Variants in TRIP12 observed in about 807,000 individuals in gnomAD.
TRIP12 encodes the protein E3 ubiquitin-protein ligase TRIP12.
TRIP12 carries 25 observed loss-of-function variants against 244.2 expected under a neutral mutation model. That is an observed-to-expected ratio of 0.10 (90% CI 0.07 to 0.14). The LOEUF is 0.14. Among genes scored for constraint, TRIP12 ranks in the 10% least tolerant of loss-of-function variants. The pLI, the probability that TRIP12 is intolerant of heterozygous loss-of-function variation, is 1.00. For synonymous variants in TRIP12, 905 were observed against 873.1 expected (o/e 1.04, Z -0.64); for missense variants, 1,677 against 2,486.4 (o/e 0.67, Z 6.92).
At chr2:229,878,530 G>A (rs978047860) in intron 2 of TRIP12, among the ~76,000 whole-genome samples, 3 of 151,228 alleles carry the variant, frequency 2.0e-5, no homozygotes, top group Non-Finnish European at 4.4e-5. Flanking sequence ...CCACTAAATA[G>A]TCTGACATCA....
At chr2:229,887,344 T>C (rs2066246779) in intron 1 of TRIP12, among the ~76,000 whole-genome samples, 1 of 152,234 alleles carries the variant, frequency 6.6e-6, no homozygotes, top group South Asian at 2.1e-4. Context: ...CTTGAAATGC[T>C]AGAGCAGTGA....
chr2:229,793,804 A>G (rs573235457), intron 26 of TRIP12, among the ~76,000 whole-genome samples: 3 of 152,190 alleles, frequency 2.0e-5, no homozygotes, highest in Admixed American at 1.3e-4. Flanking sequence ...ATGGCTTTGT[A>G]TATAGGCCAA....
intron 1 of TRIP12, among the ~76,000 whole-genome samples, chr2:229,885,427 A>G (rs1307635148): frequency 2.6e-5 from 4 of 152,206 alleles, no homozygotes; most frequent in Non-Finnish European, 4.4e-5. Context: ...AAAGAAACTG[A>G]AATGTTACAA....
At position 229,860,481 on chromosome 2, in the gene TRIP12, C is replaced by T; in HGVS notation, c.149G>A (p.Arg50Lys). ...TTTGGGTGCCTTAGAATTAGATTTT[C>T]TACTCTCAGGAGGGCTATATCCCTT... The part of the protein sequence containing the change: ...KHKGYSPPES[R>K]KSNSKAPKVQ... The change falls in exon 3 of 42, where the codon AGA becomes AAA. Residue 50 changes from arginine to lysine, a missense_variant. By Grantham distance (26) the Arg-to-Lys change is conservative. Around this residue, in one of 11 missense-constraint regions of TRIP12, gnomAD observed 387 missense variants for 392.6 expected, o/e 0.99. Coordinates refer to ENST00000675903, the MANE Select transcript of TRIP12 (RefSeq NM_001348323.3). 6.2e-7 allele frequency: 1 copy of T among 1,612,078 alleles called. No individual in the cohort carries two copies. Among genetic ancestry groups the T allele is most frequent in the Non-Finnish European group, 8.5e-7 (1 of 1,179,414 alleles).
At position 229,815,305 on chromosome 2, in the gene TRIP12, T is replaced by C. The variant is rs2048220187; in HGVS notation, c.1603A>G (p.Thr535Ala). The change falls in exon 10 of 42, where the codon ACG becomes GCG. Residue 535 changes from threonine (T) to alanine (A), a missense_variant. Thr to Ala is a moderately conservative substitution (Grantham distance 58). Transcript: ENST00000675903. ...AAATTGTGCTCCATCTGAAGTAACG[T>C]AATCTGTTAAAAAGATAACAAAATA... ...PVKSVVPALI[T>A]LLQMEHNFDI... 7.0e-7 allele frequency: 1 copy of C among 1,424,036 alleles called. No homozygotes were observed. Among genetic ancestry groups the C allele is most frequent in the African/African-American group, 1.4e-5 (1 of 69,696 alleles). The allele number at this position is 1,424,036 out of a possible 1,614,324, so 88.2% of individuals were successfully genotyped here.
chr2:229,922,321 C>G (rs1320103221), upstream of TRIP12: 4 of 602,762 alleles, frequency 6.6e-6, no homozygotes, highest in Non-Finnish European at 1.2e-5. Flanking sequence ...TCGGGTCACC[C>G]GGGACCTGGA....
intron 37 of TRIP12, 151 bp downstream of exon 37, chr2:229,777,164 A>G: frequency 1.2e-6 from 1 of 814,284 alleles, no homozygotes; most frequent in East Asian, 2.8e-5. Context: ...CCACTGTGAA[A>G]TCATATGTCT....
At chr2:229,847,949 A>G (rs1419542612) in intron 4 of TRIP12, among the ~76,000 whole-genome samples, 1 of 152,196 alleles carries the variant, frequency 6.6e-6, no homozygotes, top group Non-Finnish European at 1.5e-5. Context: ...GAGTACAGAC[A>G]TACTGTCTGA....
chr2:229,831,871 T>G lies in TRIP12; in HGVS notation c.1271-1032A>C, dbSNP rs1024912072. ...GTGTCTGCTGAGGTCAAAGGTTTTT[T>G]TTGTTTGTTTTTTGGGTTTTTTTTT... On this transcript the variant is annotated intron_variant, in intron 6 of 41. Transcript: ENST00000675903. Among the ~76,000 whole-genome samples the G allele has an allele frequency of 6.0e-4, 78 of 129,652 alleles. 1 individual carries two copies. In the South Asian group the frequency reaches 0.018, roughly 29 times the overall value. 85.1% of individuals were successfully genotyped at this position (129,652 alleles called of 152,430 possible).
At position 229,844,163 on chromosome 2, in the gene TRIP12, T is replaced by C. The variant is rs73101661; in HGVS notation, c.1028-3236A>G. 4.1e-3 allele frequency among the ~76,000 whole-genome samples: 627 copies of C among 152,344 alleles called. 6 individuals carry two copies. Among genetic ancestry groups the C allele is most frequent in the African/African-American group, 0.015 (609 of 41,584 alleles). ...TATTTTACTTACTCTTATGTAAGAA[T>C]AGTTAAGATGCTTTGGGGTACTTCC... On this transcript the variant is annotated intron_variant, in intron 4 of 41. Transcript: ENST00000675903.
intron 8 of TRIP12, among the ~76,000 whole-genome samples, chr2:229,824,080 T>C (rs1313680732): frequency 2.0e-5 from 3 of 152,110 alleles, no homozygotes; most frequent in Non-Finnish European, 4.4e-5. Context: ...TAAAACAAAT[T>C]AAATACAACA....
chr2:229,821,852 T>C (rs1221898443), intron 8 of TRIP12, among the ~76,000 whole-genome samples: 3 of 152,186 alleles, frequency 2.0e-5, no homozygotes, highest in South Asian at 2.1e-4. Flanking sequence ...TGAAAACTGA[T>C]AGAGGGGCCA....
At chr2:229,788,070 T>G (rs2040533022) in intron 32 of TRIP12, among the ~76,000 whole-genome samples, 1 of 152,206 alleles carries the variant, frequency 6.6e-6, no homozygotes, top group African/African-American at 2.4e-5. Flanking sequence ...CCCAAAGTGC[T>G]GGGATTATAG....
rs1411674716 is a variant in TRIP12, at chr2:229,880,126, T to G, written c.-47A>C. 1 of 1,509,708 alleles carries G rather than the reference T, an allele frequency of 6.6e-7. No homozygotes were observed. The highest frequency in any genetic ancestry group is 9.0e-7 in the Non-Finnish European group (1 of 1,107,438). 93.5% of individuals were successfully genotyped at this position (1,509,708 alleles called of 1,614,324 possible). ...ACATACCCTTTCTAGACACTACCAT[T>G]CACTAAAAGAAAAAAAAATAAACAA... On this transcript the variant is annotated splice_region_variant and 5_prime_UTR_variant, in exon 2 of 42. Coordinates refer to ENST00000675903, the MANE Select transcript of TRIP12 (RefSeq NM_001348323.3).
chr2:229,789,663 A>G lies in TRIP12; in HGVS notation c.4643T>C (p.Leu1548Pro). ...GATAGCATGTAAAACTCTTAAAAGA[A>G]GGATCACATCTAATGACGGGTCTTC... Reference protein sequence around the residue: ...TFEDPSLDVILLLRVLHAISR... With the variant: ...TFEDPSLDVIPLLRVLHAISR... The change falls in exon 31 of 42, where the codon CTT (leucine) becomes CCT (proline). Residue 1548 changes from leucine (L) to proline (P), a missense_variant. Leu to Pro is a moderately conservative substitution (Grantham distance 98). Coordinates refer to ENST00000675903, the MANE Select transcript of TRIP12 (RefSeq NM_001348323.3). 6.2e-7 allele frequency: 1 copy of G among 1,614,110 alleles called. No individual in the cohort carries two copies. The highest frequency in any genetic ancestry group is 8.5e-7 in the Non-Finnish European group (1 of 1,179,980).
intron 2 of TRIP12, among the ~76,000 whole-genome samples, chr2:229,878,725 C>G (rs1039494674): frequency 6.6e-6 from 1 of 151,330 alleles, no homozygotes; most frequent in African/African-American, 2.4e-5. Flanking sequence ...GGACTACAGG[C>G]GCCCACCACC....
intron 37 of TRIP12, among the ~76,000 whole-genome samples, chr2:229,774,996 T>C (rs1574781946): frequency 6.6e-6 from 1 of 152,022 alleles, no homozygotes; most frequent in Admixed American, 6.5e-5. Flanking sequence ...CATGCAAAAA[T>C]GCAAATTCCA....
intron 1 of TRIP12, among the ~76,000 whole-genome samples, chr2:229,906,954 C>T (rs144027355): frequency 6.6e-6 from 1 of 152,244 alleles, no homozygotes; most frequent in East Asian, 1.9e-4. Flanking sequence ...CTATAATTAG[C>T]AGTGATAAAA....
At chr2:229,906,197 C>T (rs572585541) in intron 1 of TRIP12, among the ~76,000 whole-genome samples, 6 of 150,556 alleles carry the variant, frequency 4.0e-5, no homozygotes, top group Non-Finnish European at 7.4e-5. Context: ...CCCAGCTACT[C>T]TGGAGGCTGA....
Sources: gnomAD v4.1 joint callset for allele counts (sites outside exome capture counted in the v4.1 genomes callset) on GRCh38, gnomAD v4.1.1 for gene constraint, gnomAD v4.1.1 regional missense constraint, MANE v1.5 for transcripts, NCBI Gene and HGNC (gene_info 2026-07-23, HGNC 2026-07-21) for gene names.